Variants in VOPP1 observed in about 807,000 individuals in gnomAD.
The protein encoded by VOPP1 is WW domain binding protein VOPP1.
A neutral mutation model predicts 23.5 loss-of-function variants in VOPP1; 8 were observed. The ratio of observed to expected loss-of-function variants is 0.34; its 90% CI spans 0.20 to 0.61. The LOEUF (loss-of-function observed/expected upper bound fraction) is 0.61. Ranked by LOEUF, VOPP1 falls within the 20% of genes least tolerant of loss-of-function variation. The pLI is 0.78. For synonymous variants in VOPP1, 83 were observed against 97.3 expected, an observed-to-expected ratio of 0.85 and a Z score of 0.86; for missense variants, 174 against 238.1, an observed-to-expected ratio of 0.73 and a Z score of 1.77.
rs572159709 is a variant in VOPP1, at chr7:55,448,244, G to C, written n.418-12070C>G. Among the ~76,000 whole-genome samples, 4 of 152,256 alleles carry C rather than the reference G, an allele frequency of 2.6e-5. No individual in the cohort carries two copies. In the East Asian group the frequency reaches 7.7e-4, roughly 29 times the overall value. The stretch of plus-strand genomic sequence containing the variant: ...GCTCAGCAAAGCATTATTTATAATA[G>C]AGAAAAATTAGCAAGAATGCAAGCA... On this transcript the variant is annotated intron_variant and non_coding_transcript_variant, in intron 4 of 4. Transcript: ENST00000462326.
chr7:55,538,654 G>A (rs1796952237), intron 1 of VOPP1: 2 of 1,535,838 alleles, frequency 1.3e-6, no homozygotes, highest in African/African-American at 2.7e-5. Context: ...GTTTCGCTGA[G>A]CATTGTGTGT....
intron 2 of VOPP1, among the ~76,000 whole-genome samples, chr7:55,512,564 C>A (rs1259286865): frequency 6.6e-6 from 1 of 152,188 alleles, no homozygotes; most frequent in Non-Finnish European, 1.5e-5. Context: ...ATTGATAAAT[C>A]CAACAAGAAC....
intron 1 of VOPP1, among the ~76,000 whole-genome samples, chr7:55,546,627 T>C (rs887685546): frequency 6.6e-6 from 1 of 152,254 alleles, no homozygotes; most frequent in African/African-American, 2.4e-5. Context: ...TCTGCAAATG[T>C]GCTTTGCAAA....
At chr7:55,544,485 A>G (rs1797279645) in intron 1 of VOPP1, among the ~76,000 whole-genome samples, 1 of 152,198 alleles carries the variant, frequency 6.6e-6, no homozygotes, top group South Asian at 2.1e-4. Flanking sequence ...CATCGGATGA[A>G]AAAAACTTGC....
At chr7:55,497,568 G>A in intron 3 of VOPP1, 45 bp downstream of exon 3, 4 of 1,113,928 alleles carry the variant, frequency 3.6e-6, no homozygotes, top group Admixed American at 2.1e-5. Flanking sequence ...GGGGGGGGGG[G>A]GGCAGAGCTC....
intron 1 of VOPP1, among the ~76,000 whole-genome samples, chr7:55,567,649 C>CA: frequency 6.6e-6 from 1 of 152,362 alleles, no homozygotes; most frequent in Middle Eastern, 3.4e-3. Context: ...CAGGCCTCCT[C>CA]AGACACCTGG....
chr7:55,464,678 C>T (rs1218063255), intron 4 of VOPP1, among the ~76,000 whole-genome samples: 1 of 152,178 alleles, frequency 6.6e-6, no homozygotes, highest in Non-Finnish European at 1.5e-5. Flanking sequence ...TGTTGTGATG[C>T]TGCAGCCTTC....
chr7:55,492,154 A>C, intron 4 of VOPP1, 128 bp downstream of exon 4: 1 of 1,327,078 alleles, frequency 7.5e-7, no homozygotes, highest in Non-Finnish European at 1.0e-6. Context: ...GGTCATCAGA[A>C]CTAAAAAAAT....
intron 1 of VOPP1, among the ~76,000 whole-genome samples, chr7:55,531,159 T>C (rs1796474794): frequency 6.6e-6 from 1 of 152,202 alleles, no homozygotes. Flanking sequence ...ACATCATTCA[T>C]TCAAAAAACT....
chr7:55,477,340 C>A (rs369397651), intron 4 of VOPP1, among the ~76,000 whole-genome samples: 1 of 152,176 alleles, frequency 6.6e-6, no homozygotes, highest in East Asian at 1.9e-4. Flanking sequence ...CATAAATACA[C>A]GGGAGGAGTG....
At chr7:55,500,330 T>C (rs964834891) in intron 2 of VOPP1, among the ~76,000 whole-genome samples, 1 of 152,232 alleles carries the variant, frequency 6.6e-6, no homozygotes, top group Non-Finnish European at 1.5e-5. Context: ...ATAGTATTAA[T>C]AGCAGCCACG....
intron 2 of VOPP1, among the ~76,000 whole-genome samples, chr7:55,505,610 AAG>A (rs991885152): frequency 2.2e-5 from 3 of 137,234 alleles, no homozygotes; most frequent in African/African-American, 8.0e-5. Context: ...TTAATTTAGA[AAG>A]AGAGAGGGGG....
intron 1 of VOPP1, among the ~76,000 whole-genome samples, chr7:55,557,894 T>C (rs969491569): frequency 6.6e-6 from 1 of 152,198 alleles, no homozygotes; most frequent in African/African-American, 2.4e-5. Flanking sequence ...TGCCAGATAA[T>C]GAACTTCCTC....
rs139617283 is a variant in VOPP1, at chr7:55,463,213, T to C, written n.418-27039A>G. Among the ~76,000 whole-genome samples, 528 of 152,394 alleles carry C rather than the reference T, an allele frequency of 3.5e-3. 8 individuals carry two copies. Among genetic ancestry groups the C allele is most frequent in the Admixed American group, 0.03 (452 of 15,308 alleles). ...TCTGCAGTTTTTGTTCTATGTTCTC[T>C]TGTATCGCACTGAACTTGTTTAATA... is the stretch of plus-strand genomic sequence containing the variant. On this transcript the variant is annotated intron_variant and non_coding_transcript_variant, in intron 4 of 4. Transcript: ENST00000462326.
chr7:55,567,717 C>T (rs1798208717), intron 1 of VOPP1, among the ~76,000 whole-genome samples: 1 of 152,208 alleles, frequency 6.6e-6, no homozygotes. Flanking sequence ...TTTATTGCTG[C>T]CACTTCTCAC....
At chr7:55,466,162 C>G (rs1791626837), downstream of VOPP1, among the ~76,000 whole-genome samples, 1 of 152,182 alleles carries the variant, frequency 6.6e-6, no homozygotes, top group South Asian at 2.1e-4. Context: ...CATTCCTGAC[C>G]TTAGACTTCC....
intron 4 of VOPP1, among the ~76,000 whole-genome samples, chr7:55,459,699 T>C (rs1791450749): frequency 6.6e-6 from 1 of 152,216 alleles, no homozygotes; most frequent in Admixed American, 6.5e-5. Context: ...TGTGTTTCTG[T>C]GGTATCAGTT....
intron 4 of VOPP1, among the ~76,000 whole-genome samples, chr7:55,481,778 T>C (rs1324515157): frequency 6.6e-6 from 1 of 152,178 alleles, no homozygotes; most frequent in Non-Finnish European, 1.5e-5. Context: ...AAGGAAGTAC[T>C]CTTAGGATCC....
intron 1 of VOPP1, among the ~76,000 whole-genome samples, chr7:55,547,079 AT>A (rs1797396923): frequency 6.6e-6 from 1 of 152,200 alleles, no homozygotes. Context: ...TCTGACCTGG[AT>A]TTTAGCAGCC....
Sources: allele counts gnomAD v4.1 joint callset (sites outside exome capture counted in the v4.1 genomes callset), GRCh38; gene constraint gnomAD v4.1.1; transcripts MANE v1.5; gene names NCBI Gene and HGNC (gene_info 2026-07-23, HGNC 2026-07-21).